The following UBE2L3 variants were observed in gnomAD, a reference collection of about 807,000 sequenced individuals.
The protein encoded by UBE2L3 is ubiquitin-conjugating enzyme E2 L3.
Under a neutral mutation model 17.8 loss-of-function variants are expected in UBE2L3, and 1 was observed. That is an observed-to-expected ratio of 0.06 (90% CI 0.02 to 0.27). UBE2L3 has a LOEUF of 0.27. Ranked by LOEUF, UBE2L3 falls within the 10% of genes least tolerant of loss-of-function variation. The pLI is 1.00. For synonymous variants in UBE2L3, 44 were observed against 68.5 expected (o/e 0.64, Z 1.76); for missense variants, 40 against 192.6 (o/e 0.21, Z 4.69).
rs1230486962 is a variant in UBE2L3 at position 21,578,829 on chromosome 22, C to CTGTGATAGAGTAAGAGTTCAGA, written c.27+11062_27+11083dup. Among the ~76,000 whole-genome samples, 14 of 152,146 alleles carry CTGTGATAGAGTAAGAGTTCAGA rather than the reference C, an allele frequency of 9.2e-5. No homozygotes were observed. In the East Asian group the frequency reaches 2.5e-3, roughly 27 times the overall value. ...GCTGTAACCTCTGAGAAGCACTGTGCTGTGATAGAGTAAGAGTTCAGATGT... is the reference window on the plus strand; with the variant it reads ...GCTGTAACCTCTGAGAAGCACTGTGCTGTGATAGAGTAAGAGTTCAGATGTGATAGAGTAAGAGTTCAGATGT... On this transcript the variant is annotated intron_variant, in intron 1 of 3. Transcript: ENST00000342192.
chr22:21,585,345 T>C (rs1927876952), intron 1 of UBE2L3, among the ~76,000 whole-genome samples: 2 of 152,242 alleles, frequency 1.3e-5, no homozygotes, highest in Non-Finnish European at 2.9e-5. Flanking sequence ...TCCAGGTCTT[T>C]ACTGGATCTC....
intron 2 of UBE2L3, among the ~76,000 whole-genome samples, chr22:21,601,176 AATC>A (rs1181196012): frequency 6.6e-6 from 1 of 152,026 alleles, no homozygotes; most frequent in Non-Finnish European, 1.5e-5. Context: ...TTCAAAGAAA[AATC>A]AATCAATCAA....
intron 1 of UBE2L3, among the ~76,000 whole-genome samples, chr22:21,569,729 C>G (rs983726407): frequency 6.6e-6 from 1 of 152,186 alleles, no homozygotes; most frequent in African/African-American, 2.4e-5. Flanking sequence ...ACAGTAGCTA[C>G]TATTTTTCCA....
At chr22:21,593,073 C>G in intron 2 of UBE2L3, 117 bp downstream of exon 2, 1 of 834,056 alleles carries the variant, frequency 1.2e-6, no homozygotes, top group Non-Finnish European at 2.0e-6. Flanking sequence ...AGCAGATGCA[C>G]AGAAGTGGCT....
intron 3 of UBE2L3, among the ~76,000 whole-genome samples, chr22:21,612,638 C>CTTTTATTTTTTTTT (rs1568987475): frequency 1.7e-5 from 1 of 60,498 alleles, no homozygotes; most frequent in Non-Finnish European, 3.3e-5. Context: ...TTTTTCTTTT[C>CTTTTATTTTTTTTT]TTTTCTTTTT....
chr22:21,584,822 A>G (rs1178521384), intron 1 of UBE2L3, among the ~76,000 whole-genome samples: 1 of 151,938 alleles, frequency 6.6e-6, no homozygotes, highest in African/African-American at 2.4e-5. Context: ...TGAGCTGGGC[A>G]TGGTGGTGCG....
At chr22:21,588,533 A>C (rs1006465204) in intron 1 of UBE2L3, among the ~76,000 whole-genome samples, 1 of 136,266 alleles carries the variant, frequency 7.3e-6, no homozygotes, top group African/African-American at 2.8e-5. Flanking sequence ...CAGTGGTTGT[A>C]ATCTTGACTC....
chr22:21,622,226 A>G lies in UBE2L3; in HGVS notation c.*557A>G, dbSNP rs1428158976. 1.3e-5 allele frequency: 2 copies of G among 152,856 alleles called. No individual in the cohort carries two copies. The highest frequency in any genetic ancestry group is 2.9e-5 in the Non-Finnish European group (2 of 68,430). The allele number at this position is 152,856 out of a possible 1,614,324, so 9.5% of individuals were successfully genotyped here. A position where few individuals can be genotyped will look rare whatever the true frequency, so the allele number is the denominator to read the frequency against. Reference sequence around the variant, plus strand: ...ACTCCAGTTTATAACATCCTTTTAAAAAATTTAAAAACAAACAGCCACACC... The same window carrying G: ...ACTCCAGTTTATAACATCCTTTTAAGAAATTTAAAAACAAACAGCCACACC... On this transcript the variant is annotated 3_prime_UTR_variant, in exon 4 of 4. Coordinates refer to ENST00000342192, the MANE Select transcript of UBE2L3 (RefSeq NM_003347.4).
intron 1 of UBE2L3, among the ~76,000 whole-genome samples, chr22:21,579,415 A>T (rs1927505779): frequency 6.6e-6 from 1 of 152,120 alleles, no homozygotes; most frequent in Admixed American, 6.6e-5. Context: ...GAAATGAGAG[A>T]ATTGCATTAG....
At chr22:21,569,625 A>T (rs141471938) in intron 1 of UBE2L3, among the ~76,000 whole-genome samples, 285 of 152,212 alleles carry the variant, frequency 1.9e-3, no homozygotes, top group African/African-American at 6.7e-3. Flanking sequence ...CTAACCTCTT[A>T]CTTGGCATGC....
intron 3 of UBE2L3, among the ~76,000 whole-genome samples, chr22:21,619,353 T>C (rs1381923182): frequency 3.3e-5 from 5 of 152,182 alleles, no homozygotes; most frequent in Non-Finnish European, 7.4e-5. Context: ...AGAGACTGAA[T>C]TAGAGGCCAC....
intron 1 of UBE2L3, among the ~76,000 whole-genome samples, chr22:21,582,801 G>A (rs1927716964): frequency 6.6e-6 from 1 of 152,202 alleles, no homozygotes; most frequent in South Asian, 2.1e-4. Context: ...TGGGATTACA[G>A]GCGTGAGCCA....
intron 1 of UBE2L3, among the ~76,000 whole-genome samples, chr22:21,569,496 C>CAAGT (rs1048332665): frequency 6.6e-6 from 1 of 152,078 alleles, no homozygotes; most frequent in Non-Finnish European, 1.5e-5. Context: ...GGTGCCCTCC[C>CAAGT]AAGTGCTCTC....
chr22:21,612,643 CTTTTTT>C (rs57678378), intron 3 of UBE2L3, among the ~76,000 whole-genome samples: 380 of 52,438 alleles, frequency 7.2e-3, no homozygotes, highest in African/African-American at 0.023. Flanking sequence ...CTTTTCTTTT[CTTTTTT>C]TTTTTTTTTT....
At chr22:21,587,011 G>A (rs990894936) in intron 1 of UBE2L3, among the ~76,000 whole-genome samples, 4 of 150,164 alleles carry the variant, frequency 2.7e-5, no homozygotes, top group Admixed American at 2.0e-4. Flanking sequence ...TCAGCCTCCC[G>A]AGTAGCTGGA....
At chr22:21,562,017 C>T (rs548927723) in intron 1 of UBE2L3, among the ~76,000 whole-genome samples, 32 of 152,130 alleles carry the variant, frequency 2.1e-4, no homozygotes, top group African/African-American at 7.2e-4. Flanking sequence ...TTTCCTTGTC[C>T]TCTTGCCTAC....
intron 3 of UBE2L3, among the ~76,000 whole-genome samples, chr22:21,619,440 C>G (rs1012299507): frequency 1.3e-5 from 2 of 152,122 alleles, no homozygotes; most frequent in Non-Finnish European, 1.5e-5. Context: ...CCATCCACCC[C>G]CAACAAACGT....
At chr22:21,595,070 C>A (rs1220563829) in intron 2 of UBE2L3, among the ~76,000 whole-genome samples, 1 of 152,172 alleles carries the variant, frequency 6.6e-6, no homozygotes, top group Non-Finnish European at 1.5e-5. Context: ...GGCTATGGAG[C>A]AGTGGGCTAA....
At chr22:21,609,144 G>T (rs1484400706) in intron 2 of UBE2L3, among the ~76,000 whole-genome samples, 1 of 150,824 alleles carries the variant, frequency 6.6e-6, no homozygotes, top group Non-Finnish European at 1.5e-5. Flanking sequence ...TGATCCACCT[G>T]CCTTGGCCTC....
Sources: allele counts gnomAD v4.1 joint callset (sites outside exome capture counted in the v4.1 genomes callset), GRCh38; gene constraint gnomAD v4.1.1; transcripts MANE v1.5; gene names NCBI Gene and HGNC (gene_info 2026-07-23, HGNC 2026-07-21).